Variants in GAS2 observed in about 807,000 individuals in gnomAD.
GAS2 encodes the protein growth arrest-specific protein 2.
GAS2 carries 20 observed loss-of-function variants against 37.5 expected under a neutral mutation model. That is an observed-to-expected ratio of 0.53 (90% CI 0.37 to 0.77). GAS2 has a LOEUF of 0.77. Among genes scored for constraint, GAS2 ranks in the 30% least tolerant of loss-of-function variants. The pLI, the probability that GAS2 is intolerant of heterozygous loss-of-function variation, is 0.00. For missense variants in GAS2, 336 were observed against 373.4 expected (o/e 0.90, Z 0.82); for synonymous variants, 144 against 132.2 (o/e 1.09, Z -0.61).
At chr11:22,792,669 G>C (rs893420558) in intron 7 of GAS2, among the ~76,000 whole-genome samples, 21 of 152,316 alleles carry the variant, frequency 1.4e-4, no homozygotes, top group African/African-American at 4.8e-4. Context: ...AACAGCGTTT[G>C]TGTCATCCTC....
intron 3 of GAS2, among the ~76,000 whole-genome samples, chr11:22,696,075 A>G (rs1177233691): frequency 6.7e-6 from 1 of 148,342 alleles, no homozygotes; most frequent in Non-Finnish European, 1.5e-5. Context: ...TATATCTCCT[A>G]ATGCTATCCC....
chr11:22,758,913 C>CAAA lies in GAS2; in HGVS notation c.723+2972_723+2974dup, dbSNP rs66871964. 2.6e-4 allele frequency among the ~76,000 whole-genome samples: 19 copies of CAAA among 73,314 alleles called. 1 individual carries two copies. Among genetic ancestry groups the CAAA allele is most frequent in the African/African-American group, 6.1e-4 (14 of 23,130 alleles). The allele number at this position is 73,314 out of a possible 152,430, so 48.1% of individuals were successfully genotyped here. A position where few individuals can be genotyped will look rare whatever the true frequency, so the allele number is the denominator to read the frequency against. On this transcript the variant is annotated intron_variant, in intron 7 of 7. Transcript: ENST00000454584. The stretch of plus-strand genomic sequence containing the variant: ...GGACAACAAGAGCAAAACTCCGTCT[C>CAAA]AAAAAAAAAAAAAAGAGAAAGTCAT...
chr11:22,637,932 T>G (rs1004073142), intron 1 of GAS2, among the ~76,000 whole-genome samples: 4 of 151,776 alleles, frequency 2.6e-5, no homozygotes, highest in Non-Finnish European at 4.4e-5. Context: ...CAAAACCTGT[T>G]TAGAATTATG....
intron 3 of GAS2, among the ~76,000 whole-genome samples, chr11:22,698,648 G>A (rs957107567): frequency 6.7e-6 from 1 of 150,126 alleles, no homozygotes; most frequent in African/African-American, 2.5e-5. Context: ...GAATCCAGCA[G>A]CACATCCAAA....
At chr11:22,701,659 T>C (rs1024437677) in intron 3 of GAS2, among the ~76,000 whole-genome samples, 1 of 152,096 alleles carries the variant, frequency 6.6e-6, no homozygotes, top group Admixed American at 6.5e-5. Flanking sequence ...TGAAACCCCG[T>C]CTCTACTAAA....
intron 3 of GAS2, among the ~76,000 whole-genome samples, chr11:22,701,345 G>T (rs1042549128): frequency 2.0e-5 from 3 of 152,066 alleles, no homozygotes; most frequent in Admixed American, 2.0e-4. Context: ...GTATATGTTA[G>T]CAACAAGAGA....
intron 4 of GAS2, among the ~76,000 whole-genome samples, chr11:22,735,224 C>CTTTTTTTTT (rs397750049): frequency 9.2e-6 from 1 of 109,158 alleles, no homozygotes; most frequent in Non-Finnish European, 1.8e-5. Context: ...ACCAATCATT[C>CTTTTTTTTT]TTTTTTTTTT....
intron 7 of GAS2, among the ~76,000 whole-genome samples, chr11:22,781,565 G>A (rs562166054): frequency 1.1e-4 from 16 of 152,150 alleles, no homozygotes; most frequent in Admixed American, 4.6e-4. Context: ...TGGTTATGGT[G>A]CCTTTCTTTC....
chr11:22,752,953 C>T (rs755065193), intron 6 of GAS2, among the ~76,000 whole-genome samples: 7 of 152,048 alleles, frequency 4.6e-5, no homozygotes, highest in Non-Finnish European at 8.8e-5. Context: ...CTCCAGATGT[C>T]CTGATAGAGT....
intron 2 of GAS2, among the ~76,000 whole-genome samples, chr11:22,677,095 A>T (rs780625605): frequency 6.6e-6 from 1 of 152,194 alleles, no homozygotes; most frequent in Non-Finnish European, 1.5e-5. Flanking sequence ...TTAGCAAAAA[A>T]ACACAGTAAA....
At chr11:22,746,429 G>A (rs1052675441) in intron 5 of GAS2, among the ~76,000 whole-genome samples, 4 of 152,066 alleles carry the variant, frequency 2.6e-5, no homozygotes, top group Admixed American at 2.6e-4. Context: ...TAGCAGCACC[G>A]TTCACAATAG....
chr11:22,737,602 C>A, intron 4 of GAS2, 103 bp from the exon 5 acceptor site: 2 of 1,016,936 alleles, frequency 2.0e-6, no homozygotes, highest in Non-Finnish European at 3.1e-6. Context: ...AAGACTAGAT[C>A]CTTTCCTGGG....
At chr11:22,763,720 C>G (rs984940884) in intron 7 of GAS2, among the ~76,000 whole-genome samples, 1 of 151,510 alleles carries the variant, frequency 6.6e-6, no homozygotes, top group South Asian at 2.1e-4. Flanking sequence ...ATATTAATGC[C>G]TAGATTTGTT....
At chr11:22,698,278 A>G (rs936131105) in intron 3 of GAS2, among the ~76,000 whole-genome samples, 1 of 152,192 alleles carries the variant, frequency 6.6e-6, no homozygotes, top group Admixed American at 6.5e-5. Flanking sequence ...GAAGAAATGG[A>G]TAAATTCCTC....
At chr11:22,764,727 T>G (rs1854594207) in intron 7 of GAS2, among the ~76,000 whole-genome samples, 1 of 152,234 alleles carries the variant, frequency 6.6e-6, no homozygotes, top group Admixed American at 6.5e-5. Context: ...AGCTCATTTC[T>G]TCTTCCACTG....
intron 3 of GAS2, among the ~76,000 whole-genome samples, chr11:22,712,013 G>A (rs1851428624): frequency 6.6e-6 from 1 of 152,148 alleles, no homozygotes; most frequent in Non-Finnish European, 1.5e-5. Context: ...GGCCAGTGTA[G>A]GGCAAAATTA....
At chr11:22,773,620 C>T (rs902346513) in intron 7 of GAS2, among the ~76,000 whole-genome samples, 5 of 152,042 alleles carry the variant, frequency 3.3e-5, no homozygotes, top group Non-Finnish European at 7.4e-5. Flanking sequence ...CTTAATCTCT[C>T]CTCTTTAGAA....
chr11:22,766,733 A>G (rs1854717079), intron 7 of GAS2, among the ~76,000 whole-genome samples: 1 of 152,198 alleles, frequency 6.6e-6, no homozygotes, highest in Non-Finnish European at 1.5e-5. Flanking sequence ...TTGCTTGAAA[A>G]GTCTTCCAGA....
At chr11:22,789,708 G>A (rs1048722065) in intron 7 of GAS2, among the ~76,000 whole-genome samples, 3 of 151,060 alleles carry the variant, frequency 2.0e-5, no homozygotes, top group African/African-American at 7.3e-5. Flanking sequence ...CTCATGATCC[G>A]CCCGCCTTGG....
Sources: gnomAD v4.1 joint callset for allele counts (sites outside exome capture counted in the v4.1 genomes callset) on GRCh38, gnomAD v4.1.1 for gene constraint, MANE v1.5 for transcripts, NCBI Gene and HGNC (gene_info 2026-07-23, HGNC 2026-07-21) for gene names.